Variants in CDIN1 observed in about 807,000 individuals in gnomAD.
CDIN1 encodes the protein CDAN1-interacting nuclease 1.
A neutral mutation model predicts 45.3 loss-of-function variants in CDIN1; 33 were observed. That is an observed-to-expected ratio of 0.73 (90% CI 0.55 to 0.97). The LOEUF is 0.97. Among genes scored for constraint, CDIN1 ranks in the 50% least tolerant of loss-of-function variants. CDIN1 has a pLI of 0.00. For synonymous variants in CDIN1, 118 were observed against 124.4 expected, an observed-to-expected ratio of 0.95 and a Z score of 0.34; for missense variants, 303 against 339.4, an observed-to-expected ratio of 0.89 and a Z score of 0.84.
intron 10 of CDIN1, among the ~76,000 whole-genome samples, chr15:36,753,978 T>G (rs949582226): frequency 3.9e-5 from 6 of 152,124 alleles, no homozygotes; most frequent in Non-Finnish European, 8.8e-5. Context: ...AAGCAACTTG[T>G]TTTGCAAAGA....
rs533395322 is a variant in CDIN1, at chr15:36,759,454, A to G, written c.717-48870A>G. On this transcript the variant is annotated intron_variant, in intron 10 of 10. Transcript: ENST00000566621. The stretch of plus-strand genomic sequence containing the variant: ...TTATTTTCCTCACAATTGCTCAGAT[A>G]AATATGTTTTTTCTTGTGGAAGAAA... 2.1e-4 allele frequency among the ~76,000 whole-genome samples: 32 copies of G among 152,320 alleles called. 1 individual carries two copies. The South Asian group carries it at 6.4e-3, about 31-fold the overall frequency.
chr15:36,710,878 T>C (rs2043033487), intron 10 of CDIN1, among the ~76,000 whole-genome samples: 1 of 152,120 alleles, frequency 6.6e-6, no homozygotes. Flanking sequence ...TTACTCAGCT[T>C]TACAAAAGGC....
At chr15:36,776,783 A>G (rs1434031807) in intron 10 of CDIN1, among the ~76,000 whole-genome samples, 1 of 152,172 alleles carries the variant, frequency 6.6e-6, no homozygotes, top group Non-Finnish European at 1.5e-5. Flanking sequence ...AATTATAGTA[A>G]AAGTGGTTGC....
intron 1 of CDIN1, among the ~76,000 whole-genome samples, chr15:36,603,807 C>T (rs1034863043): frequency 6.6e-5 from 10 of 152,038 alleles, no homozygotes; most frequent in African/African-American, 1.9e-4. Context: ...AGTTATTGTC[C>T]ATTTATTTAG....
At chr15:36,655,404 G>T (rs556832401) in intron 4 of CDIN1, among the ~76,000 whole-genome samples, 14 of 145,210 alleles carry the variant, frequency 9.6e-5, no homozygotes, top group Non-Finnish European at 2.1e-4. Context: ...TTAGCTCATT[G>T]CAACCTCTGC....
intron 1 of CDIN1, chr15:36,613,386 C>A: frequency 1.0e-6 from 1 of 977,428 alleles, no homozygotes; most frequent in Non-Finnish European, 1.6e-6. Flanking sequence ...GATTCCTTGT[C>A]TTAAGAACTC....
At chr15:36,636,808 CAAT>C (rs2039917275) in intron 1 of CDIN1, among the ~76,000 whole-genome samples, 1 of 151,990 alleles carries the variant, frequency 6.6e-6, no homozygotes, top group Non-Finnish European at 1.5e-5. Context: ...AATCACCAAT[CAAT>C]AATAAATTTT....
chr15:36,624,877 G>A (rs770536479), intron 1 of CDIN1, among the ~76,000 whole-genome samples: 7 of 152,014 alleles, frequency 4.6e-5, no homozygotes, highest in Admixed American at 1.3e-4. Context: ...TCATTTTTGC[G>A]GGTTTTATAT....
chr15:36,793,506 TTAGA>T (rs776883844), intron 10 of CDIN1, among the ~76,000 whole-genome samples: 3 of 152,146 alleles, frequency 2.0e-5, no homozygotes, highest in Non-Finnish European at 4.4e-5. Context: ...TTTTGGGGGA[TTAGA>T]TAAATTACTG....
At chr15:36,610,661 T>G (rs1396423575) in intron 1 of CDIN1, among the ~76,000 whole-genome samples, 1 of 152,220 alleles carries the variant, frequency 6.6e-6, no homozygotes, top group Non-Finnish European at 1.5e-5. Context: ...CTAGATTCTA[T>G]TTGCCTAAAC....
intron 1 of CDIN1, among the ~76,000 whole-genome samples, chr15:36,587,820 G>A (rs1165170691): frequency 6.6e-6 from 1 of 152,152 alleles, no homozygotes. Flanking sequence ...CGACGGCTAG[G>A]AAGTAGAGGA....
At chr15:36,680,534 C>A (rs2041814308) in intron 5 of CDIN1, among the ~76,000 whole-genome samples, 1 of 152,006 alleles carries the variant, frequency 6.6e-6, no homozygotes, top group Non-Finnish European at 1.5e-5. Context: ...GAAGTAAAAT[C>A]TTTGGGTATC....
chr15:36,795,508 G>A (rs2054771582), intron 10 of CDIN1, among the ~76,000 whole-genome samples: 1 of 152,062 alleles, frequency 6.6e-6, no homozygotes, highest in Non-Finnish European at 1.5e-5. Flanking sequence ...GGTGTATGCA[G>A]CCCTTCTTTG....
At chr15:36,783,651 C>T (rs561329088) in intron 10 of CDIN1, among the ~76,000 whole-genome samples, 2 of 152,216 alleles carry the variant, frequency 1.3e-5, no homozygotes, top group East Asian at 3.9e-4. Flanking sequence ...AGCTGTGATA[C>T]ACATGAACAT....
intron 1 of CDIN1, among the ~76,000 whole-genome samples, chr15:36,597,486 A>T (rs1457896487): frequency 6.6e-6 from 1 of 152,226 alleles, no homozygotes; most frequent in Non-Finnish European, 1.5e-5. Context: ...TAAAGCTGTA[A>T]GGGTTAAATT....
intron 1 of CDIN1, among the ~76,000 whole-genome samples, chr15:36,643,932 C>G (rs2140404215): frequency 6.6e-6 from 1 of 152,348 alleles, no homozygotes; most frequent in African/African-American, 2.4e-5. Flanking sequence ...TGAGACTGAA[C>G]TGTGTCACTT....
At chr15:36,742,156 T>C (rs1257204749) in intron 10 of CDIN1, among the ~76,000 whole-genome samples, 1 of 152,102 alleles carries the variant, frequency 6.6e-6, no homozygotes, top group Non-Finnish European at 1.5e-5. Context: ...AGTGTGTATA[T>C]GTGAGATACT....
At chr15:36,717,692 C>T (rs2043262019) in intron 10 of CDIN1, among the ~76,000 whole-genome samples, 1 of 152,020 alleles carries the variant, frequency 6.6e-6, no homozygotes, top group South Asian at 2.1e-4. Context: ...CATTTCATAC[C>T]TGGGAATGAA....
intron 10 of CDIN1, among the ~76,000 whole-genome samples, chr15:36,776,420 G>A (rs2076517133): frequency 6.6e-6 from 1 of 152,108 alleles, no homozygotes; most frequent in African/African-American, 2.4e-5. Flanking sequence ...TGTTGATCAG[G>A]TGGAGAGAAC....
Sources: gnomAD v4.1 joint callset for allele counts (sites outside exome capture counted in the v4.1 genomes callset) on GRCh38, gnomAD v4.1.1 for gene constraint, MANE v1.5 for transcripts, NCBI Gene and HGNC (gene_info 2026-07-23, HGNC 2026-07-21) for gene names.